The following CTNNA2 variants were observed in gnomAD, a reference collection of about 807,000 sequenced individuals.
CTNNA2 encodes the protein catenin alpha-2.
Under a neutral mutation model 101.0 loss-of-function variants are expected in CTNNA2, and 42 were observed. That is an observed-to-expected ratio of 0.42 (90% CI 0.32 to 0.54). CTNNA2 has a LOEUF of 0.54. Ranked by LOEUF, CTNNA2 falls within the 20% of genes least tolerant of loss-of-function variation. CTNNA2 has a pLI of 0.14. For missense variants in CTNNA2, 871 were observed against 1,223.1 expected, an observed-to-expected ratio of 0.71 and a Z score of 4.29; for synonymous variants, 450 against 456.4, an observed-to-expected ratio of 0.99 and a Z score of 0.18.
rs534312131 is a variant in CTNNA2, at chr2:79,451,798, A to AT, written c.-134-53256_-134-53255insT. Among the ~76,000 whole-genome samples the AT allele has an allele frequency of 2.2e-4, 33 of 151,174 alleles. 1 individual carries two copies. The South Asian group carries it at 5.2e-3, about 24-fold the overall frequency. On this transcript the variant is annotated intron_variant, in intron 4 of 21. Coordinates refer to the CTNNA2 transcript ENST00000466387. ...ATATTTTTCAAATACATGTCTTAAAAATATATATTAAATGTATACATTATA... is the reference window on the plus strand; with the variant it reads ...ATATTTTTCAAATACATGTCTTAAAATATATATATTAAATGTATACATTATA...
intron 7 of CTNNA2, among the ~76,000 whole-genome samples, chr2:80,169,426 T>G (rs1377142539): frequency 3.9e-5 from 6 of 152,306 alleles, no homozygotes; most frequent in Admixed American, 1.3e-4. Flanking sequence ...AGGTATACGT[T>G]ATAAAGGTAT....
intron 1 of CTNNA2, among the ~76,000 whole-genome samples, chr2:79,567,489 C>A (rs1675185470): frequency 6.6e-6 from 1 of 152,034 alleles, no homozygotes; most frequent in South Asian, 2.1e-4. Flanking sequence ...CAGGAAGACC[C>A]TTCTACCTAG....
At chr2:80,475,170 C>T (rs1407361016) in intron 9 of CTNNA2, among the ~76,000 whole-genome samples, 8 of 152,146 alleles carry the variant, frequency 5.3e-5, no homozygotes, top group Admixed American at 2.0e-4. Context: ...ACACATTCTT[C>T]GGTGTTAATA....
intron 3 of CTNNA2, among the ~76,000 whole-genome samples, chr2:79,777,259 T>G (rs72912731): frequency 0.023 from 3,451 of 151,950 alleles, 141 homozygotes; most frequent in African/African-American, 0.077. Context: ...TGTCAACAAC[T>G]GGATGATTTC....
chr2:80,202,253 G>A (rs539641979), intron 7 of CTNNA2, among the ~76,000 whole-genome samples: 2 of 152,248 alleles, frequency 1.3e-5, no homozygotes, highest in South Asian at 4.1e-4. Context: ...ACATAGCTCA[G>A]CACCTGTATG....
chr2:80,015,898 G>A (rs1694108772), intron 7 of CTNNA2, among the ~76,000 whole-genome samples: 1 of 152,160 alleles, frequency 6.6e-6, no homozygotes, highest in Admixed American at 6.5e-5. Flanking sequence ...GAGATGTAAA[G>A]GGAAAGTCTA....
chr2:80,398,093 C>T (rs1443493364), intron 8 of CTNNA2, among the ~76,000 whole-genome samples: 2 of 152,086 alleles, frequency 1.3e-5, no homozygotes, highest in African/African-American at 4.8e-5. Context: ...TCTTGGGTCT[C>T]CAGCTGTTAT....
At chr2:80,259,655 A>G (rs1237662808) in intron 7 of CTNNA2, among the ~76,000 whole-genome samples, 1 of 152,208 alleles carries the variant, frequency 6.6e-6, no homozygotes, top group African/African-American at 2.4e-5. Flanking sequence ...AAGCAACTCA[A>G]GAATTTTCTT....
intron 7 of CTNNA2, among the ~76,000 whole-genome samples, chr2:80,210,049 C>T (rs73938236): frequency 0.04 from 6,108 of 152,092 alleles, 427 homozygotes; most frequent in African/African-American, 0.14. Context: ...ACAATTTTTT[C>T]GATAGGATCC....
intron 7 of CTNNA2, among the ~76,000 whole-genome samples, chr2:80,287,712 G>A (rs74362324): frequency 0.038 from 5,756 of 152,184 alleles, 163 homozygotes; most frequent in Non-Finnish European, 0.057. Flanking sequence ...GCTGTTGTTC[G>A]GTAGAACTGG....
chr2:80,039,670 C>T (rs1340811174), intron 7 of CTNNA2, among the ~76,000 whole-genome samples: 1 of 152,160 alleles, frequency 6.6e-6, no homozygotes, highest in Non-Finnish European at 1.5e-5. Context: ...TCTCCCAACC[C>T]ATCTCTTAAT....
At chr2:79,429,242 T>C (rs1208641258) in intron 4 of CTNNA2, among the ~76,000 whole-genome samples, 1 of 151,778 alleles carries the variant, frequency 6.6e-6, no homozygotes, top group Admixed American at 6.6e-5. Context: ...CTCGTGAACT[T>C]TTTTTTTAAT....
intron 7 of CTNNA2, among the ~76,000 whole-genome samples, chr2:80,251,434 G>T (rs1166103600): frequency 6.6e-6 from 1 of 152,058 alleles, no homozygotes; most frequent in East Asian, 1.9e-4. Context: ...CAACTTCCCA[G>T]TTTGAAAAAT....
At chr2:79,828,971 A>G (rs10180951) in intron 3 of CTNNA2, among the ~76,000 whole-genome samples, 136,520 of 152,194 alleles carry the variant, frequency 0.9, 61,361 homozygotes, top group Non-Finnish European at 0.91. Flanking sequence ...ACTGTCAGAA[A>G]CCTCAATCTT....
chr2:79,517,396 T>C (rs533420294), intron 1 of CTNNA2, among the ~76,000 whole-genome samples: 1 of 152,326 alleles, frequency 6.6e-6, no homozygotes, highest in South Asian at 2.1e-4. Context: ...TATATTTCTG[T>C]TTTGTAGTTC....
At chr2:79,457,742 T>C (rs895777754) in intron 4 of CTNNA2, among the ~76,000 whole-genome samples, 3 of 152,196 alleles carry the variant, frequency 2.0e-5, no homozygotes, top group African/African-American at 7.2e-5. Context: ...AAGAATATTA[T>C]ATTGTTCATT....
chr2:80,419,777 G>A (rs1387421853), intron 9 of CTNNA2, among the ~76,000 whole-genome samples, 176 bp downstream of exon 9: 5 of 151,784 alleles, frequency 3.3e-5, no homozygotes, highest in East Asian at 1.9e-4. Flanking sequence ...ATCAAGCTAC[G>A]AATCATCTTT....
In CTNNA2 at chr2:79,228,581, G is replaced by T. The variant is rs190589830; in HGVS notation, c.-406+30505G>T. 8.5e-5 allele frequency among the ~76,000 whole-genome samples: 13 copies of T among 152,140 alleles called. No individual in the cohort carries two copies. The East Asian group carries it at 2.5e-3, about 29-fold the overall frequency. On this transcript the variant is annotated intron_variant, in intron 2 of 21. Transcript: ENST00000466387. ...GAGAAATGTCAGTTCATGTCCTTTA[G>T]CTCATTTTTAAATTGGATTATTTGT...
At chr2:79,291,154 C>T (rs917927327) in intron 2 of CTNNA2, among the ~76,000 whole-genome samples, 1 of 152,210 alleles carries the variant, frequency 6.6e-6, no homozygotes. Flanking sequence ...TTCACTATGA[C>T]ACAAGTAACC....
Sources: gnomAD v4.1 joint callset for allele counts (sites outside exome capture counted in the v4.1 genomes callset) on GRCh38, gnomAD v4.1.1 for gene constraint, MANE v1.5 for transcripts, NCBI Gene and HGNC (gene_info 2026-07-23, HGNC 2026-07-21) for gene names.